Variants in EDAR observed in about 807,000 individuals in gnomAD.
EDAR encodes the protein tumor necrosis factor receptor superfamily member EDAR.
In EDAR, 38 loss-of-function variants were observed where a neutral mutation model predicts 51.3. That is an observed-to-expected ratio of 0.74 (90% CI 0.57 to 0.97). The LOEUF (loss-of-function observed/expected upper bound fraction) is 0.97, where lower values mean the gene tolerates loss of function less well. Ranked by LOEUF, EDAR falls within the 50% of genes least tolerant of loss-of-function variation. EDAR has a pLI of 0.00. For missense variants in EDAR, 528 were observed against 595.0 expected, an observed-to-expected ratio of 0.89 and a Z score of 1.17; for synonymous variants, 227 against 242.1, an observed-to-expected ratio of 0.94 and a Z score of 0.58.
At chr2:108,970,532 C>T (rs1698216617) in intron 1 of EDAR, among the ~76,000 whole-genome samples, 2 of 151,904 alleles carry the variant, frequency 1.3e-5, no homozygotes, top group African/African-American at 4.8e-5. Context: ...TGGACGGTGC[C>T]CAGGGAGCCT....
intron 4 of EDAR, among the ~76,000 whole-genome samples, chr2:108,924,421 C>T (rs756086735): frequency 2.6e-4 from 40 of 152,166 alleles, no homozygotes; most frequent in Non-Finnish European, 4.7e-4. Flanking sequence ...AAATGCTCAG[C>T]GGAGAGCATG....
intron 1 of EDAR, among the ~76,000 whole-genome samples, chr2:108,937,106 G>A (rs2105462719): frequency 6.6e-6 from 1 of 152,362 alleles, no homozygotes. Flanking sequence ...TGGAGTGGAG[G>A]GTGACGCTGA....
At chr2:108,913,949 C>CAAAAAAAAAA (rs71383816) in intron 5 of EDAR, among the ~76,000 whole-genome samples, 1 of 109,154 alleles carries the variant, frequency 9.2e-6, no homozygotes, top group Admixed American at 1.1e-4. Flanking sequence ...GATTCCGTCT[C>CAAAAAAAAAA]AAAAAAAAAA....
At position 108,966,165 on chromosome 2, in the gene EDAR, C is replaced by T. The variant is rs769925478; in HGVS notation, c.-19+22795G>A. Among the ~76,000 whole-genome samples, 33 of 152,334 alleles carry T rather than the reference C, an allele frequency of 2.2e-4. 1 individual carries two copies. The highest frequency in any genetic ancestry group is 3.4e-3 in the Middle Eastern group (1 of 294). ...CCAACTTTGAAGCAAGCCTCTCCTC[C>T]TGGTCTTTTATTGCCCCTGTCATCT... On this transcript the variant is annotated intron_variant, in intron 1 of 11. Coordinates refer to ENST00000258443, the MANE Select transcript of EDAR (RefSeq NM_022336.4).
intron 1 of EDAR, among the ~76,000 whole-genome samples, chr2:108,978,508 A>G (rs1213177605): frequency 6.6e-6 from 1 of 152,194 alleles, no homozygotes; most frequent in African/African-American, 2.4e-5. Context: ...GCTCCGAGGG[A>G]GCCACGGGCT....
At chr2:108,944,462 T>C (rs1406336179) in intron 1 of EDAR, among the ~76,000 whole-genome samples, 1 of 152,234 alleles carries the variant, frequency 6.6e-6, no homozygotes, top group Non-Finnish European at 1.5e-5. Flanking sequence ...TGACTATGGC[T>C]GCGGCAACAA....
intron 1 of EDAR, among the ~76,000 whole-genome samples, chr2:108,936,234 G>A (rs960040566): frequency 2.0e-5 from 3 of 152,254 alleles, no homozygotes; most frequent in Admixed American, 6.5e-5. Flanking sequence ...GCCTTGGCAG[G>A]CCTGATGGTT....
At chr2:108,968,611 G>A (rs1033594897) in intron 1 of EDAR, among the ~76,000 whole-genome samples, 2 of 152,200 alleles carry the variant, frequency 1.3e-5, no homozygotes, top group African/African-American at 4.8e-5. Context: ...TCACAGGCAT[G>A]GTGTTCTCTT....
chr2:108,906,098 G>A (rs749289538), intron 11 of EDAR, among the ~76,000 whole-genome samples: 3 of 151,756 alleles, frequency 2.0e-5, no homozygotes, highest in Non-Finnish European at 4.4e-5. Context: ...GAAGGCCCAT[G>A]GAAGCACTGG....
At chr2:108,928,656 TC>T (rs1431476916) in intron 4 of EDAR, among the ~76,000 whole-genome samples, 7 of 152,194 alleles carry the variant, frequency 4.6e-5, no homozygotes, top group Non-Finnish European at 7.4e-5. Flanking sequence ...ATTTTCCTGG[TC>T]CCTGGCAGAA....
At chr2:108,927,786 C>A (rs1200098999) in intron 4 of EDAR, among the ~76,000 whole-genome samples, 2 of 152,136 alleles carry the variant, frequency 1.3e-5, no homozygotes, top group East Asian at 1.9e-4. Context: ...ACACACACAA[C>A]CTCTATCCTC....
chr2:108,898,097 CAT>C (rs1318758614), intron 11 of EDAR, among the ~76,000 whole-genome samples: 1 of 152,190 alleles, frequency 6.6e-6, no homozygotes, highest in African/African-American at 2.4e-5. Context: ...GCCTAGCAAG[CAT>C]AAAACATTTA....
intron 2 of EDAR, 37 bp downstream of exon 2, chr2:108,930,927 G>T: frequency 6.2e-7 from 1 of 1,611,272 alleles, no homozygotes; most frequent in Non-Finnish European, 8.5e-7. Context: ...TCATGAGGAT[G>T]AGGGTGCTGT....
intron 1 of EDAR, among the ~76,000 whole-genome samples, chr2:108,979,934 A>G (rs998519826): frequency 2.6e-5 from 4 of 152,158 alleles, no homozygotes; most frequent in Admixed American, 2.6e-4. Context: ...CTGTGGCTCT[A>G]TTATCCTGGC....
chr2:108,896,842 C>T lies in EDAR; in HGVS notation c.*65G>A, dbSNP rs1574361580. 2.0e-6 allele frequency: 3 copies of T among 1,515,622 alleles called. No homozygotes were observed. The highest frequency in any genetic ancestry group is 2.0e-4 in the Middle Eastern group (1 of 4,890). 93.9% of individuals were successfully genotyped at this position (1,515,622 alleles called of 1,614,324 possible). A position where few individuals can be genotyped will look rare whatever the true frequency, so the allele number is the denominator to read the frequency against. Reference sequence around the variant, plus strand: ...TTCTTGGCAGTCTTTTGGCACCACTCACAGCTCCAGAGCCCTCGTTGGCTC... The same window carrying T: ...TTCTTGGCAGTCTTTTGGCACCACTTACAGCTCCAGAGCCCTCGTTGGCTC... On this transcript the variant is annotated 3_prime_UTR_variant, in exon 12 of 12. Transcript: ENST00000258443.
intron 1 of EDAR, among the ~76,000 whole-genome samples, chr2:108,965,887 C>T (rs1409256590): frequency 1.3e-5 from 2 of 151,960 alleles, no homozygotes; most frequent in African/African-American, 4.8e-5. Context: ...CCCCCTCTCC[C>T]CCCAGGCAAA....
chr2:108,946,311 G>A (rs988273674), intron 1 of EDAR, among the ~76,000 whole-genome samples: 6 of 152,188 alleles, frequency 3.9e-5, no homozygotes, highest in Non-Finnish European at 7.3e-5. Context: ...AGTAGCACCT[G>A]GGACAACACA....
At chr2:108,921,869 ACTGT>A (rs1438303855) in intron 5 of EDAR, among the ~76,000 whole-genome samples, 1 of 152,254 alleles carries the variant, frequency 6.6e-6, no homozygotes, top group Admixed American at 6.5e-5. Context: ...ACACAGCAGG[ACTGT>A]CTATTTCTCT....
At chr2:108,974,585 C>A (rs1698290330) in intron 1 of EDAR, among the ~76,000 whole-genome samples, 1 of 151,834 alleles carries the variant, frequency 6.6e-6, no homozygotes, top group African/African-American at 2.4e-5. Flanking sequence ...CAAAAATTAG[C>A]TGGGCATGGT....
Sources: gnomAD v4.1 joint callset for allele counts (sites outside exome capture counted in the v4.1 genomes callset) on GRCh38, gnomAD v4.1.1 for gene constraint, MANE v1.5 for transcripts, NCBI Gene and HGNC (gene_info 2026-07-23, HGNC 2026-07-21) for gene names.